The following NACA variants were observed in gnomAD, a reference collection of about 807,000 sequenced individuals.
NACA encodes the protein nascent polypeptide-associated complex subunit alpha.
NACA carries 42 observed loss-of-function variants against 86.4 expected under a neutral mutation model. The ratio of observed to expected loss-of-function variants is 0.49; its 90% CI spans 0.38 to 0.63. The LOEUF is 0.63. Ranked by LOEUF, NACA falls within the 20% of genes least tolerant of loss-of-function variation. The probability of loss-of-function intolerance (pLI) is 0.00; values close to 1 mark genes in which losing one functional copy is unlikely to be tolerated. For synonymous variants in NACA, 898 were observed against 973.7 expected, an observed-to-expected ratio of 0.92 and a Z score of 1.45; for missense variants, 2,157 against 2,483.6, an observed-to-expected ratio of 0.87 and a Z score of 2.80.
At chr12:56,714,198 T>TA (rs1293315065) in intron 5 of NACA, 164 bp downstream of exon 5, 1 of 646,106 alleles carries the variant, frequency 1.5e-6, no homozygotes, top group Non-Finnish European at 2.7e-6. Context: ...GGGTTCAGTG[T>TA]ATACTGCTTG....
rs1231645164 is a variant in NACA at position 56,718,646 on chromosome 12, C to T, written c.2884G>A (p.Ala962Thr). The change falls in exon 3 of 9, where the codon GCC becomes ACC. Residue 962 changes from alanine (A) to threonine (T), a missense_variant. Transcript: ENST00000454682. Reference protein sequence around the residue: ...GGPATPSPKWAPTPPAATPPS... With the variant: ...GGPATPSPKWTPTPPAATPPS... Reference sequence around the variant, plus strand: ...GGAGTTGCAGCTGGGGGTGTGGGGGCCCATTTCGGGGATGGGGTAGCTGGG... The same window carrying T: ...GGAGTTGCAGCTGGGGGTGTGGGGGTCCATTTCGGGGATGGGGTAGCTGGG... The T allele has an allele frequency of 7.6e-7, 1 of 1,319,202 alleles. No homozygotes were observed. The highest frequency in any genetic ancestry group is 3.5e-5 in the East Asian group (1 of 28,902). The allele number at this position is 1,319,202 out of a possible 1,614,324, so 81.7% of individuals were successfully genotyped here. A position where few individuals can be genotyped will look rare whatever the true frequency, so the allele number is the denominator to read the frequency against.
chr12:56,712,741 T>A (rs200078093), intron 8 of NACA, 45 bp downstream of exon 8: 133 of 1,611,418 alleles, frequency 8.3e-5, no homozygotes, highest in Non-Finnish European at 8.6e-5. Context: ...CACTCATAAT[T>A]GGTCAGGGCA....
Position 56,718,066 on chromosome 12 carries a change from G to A in NACA, c.3464C>T (p.Thr1155Ile), listed in dbSNP as rs540846355. The change falls in exon 3 of 9, where the codon ACT (threonine) becomes ATT (isoleucine). Residue 1155 changes from threonine to isoleucine, a missense_variant. This residue lies in a region of NACA where 10 missense variants were observed against 129.4 expected (regional missense o/e 0.08). Transcript: ENST00000454682. ...PKGAPTTPAA[T>I]PPSPKGGLAT... ...TAGACCTCCTTTTGGGGAAGGAGGAGTTGCAGCTGGGGTTGTGGGGGCCCC... is the reference window on the plus strand; with the variant it reads ...TAGACCTCCTTTTGGGGAAGGAGGAATTGCAGCTGGGGTTGTGGGGGCCCC... 1.9e-6 allele frequency: 2 copies of A among 1,064,974 alleles called. No individual in the cohort carries two copies. The highest frequency in any genetic ancestry group is 2.3e-5 in the African/African-American group (1 of 43,810). 66.0% of individuals were successfully genotyped at this position (1,064,974 alleles called of 1,614,324 possible).
At chr12:56,722,004 A>G (rs997041516) in intron 2 of NACA, among the ~76,000 whole-genome samples, 1 of 152,372 alleles carries the variant, frequency 6.6e-6, no homozygotes, top group East Asian at 1.9e-4. Context: ...ACTGAATAAG[A>G]AAACACAGGC....
Position 56,720,671 on chromosome 12 carries a change from T to A in NACA, c.859A>T (p.Thr287Ser), listed in dbSNP as rs770224189. Residue 287 changes from threonine (T) to serine (S), a missense_variant, in exon 3 of 9, where the codon ACC becomes TCC. Thr to Ser is a moderately conservative substitution (Grantham distance 58). This residue lies in a region of NACA where 947 missense variants were observed against 917.9 expected (regional missense o/e 1.03). Coordinates refer to ENST00000454682, the MANE Select transcript of NACA (RefSeq NM_001365896.1). ...GGACCCGCAGTCTTTTGAGAAGAGG[T>A]CACCACAGGAAGAGACTGAGTTGAA... Reference protein sequence around the residue: ...SLSTQSLPVVTSSQKTAGPNT... With the variant: ...SLSTQSLPVVSSSQKTAGPNT... 6.2e-7 allele frequency: 1 copy of A among 1,613,356 alleles called. No homozygotes were observed. Among genetic ancestry groups the A allele is most frequent in the East Asian group, 2.2e-5 (1 of 44,848 alleles).
At chr12:56,713,434 T>C (rs954842711) in intron 6 of NACA, 103 bp downstream of exon 6, 3 of 1,445,662 alleles carry the variant, frequency 2.1e-6, no homozygotes, top group African/African-American at 2.8e-5. Context: ...CTGGATGTAA[T>C]GGATAGCCCT....
rs764837683 is a variant in NACA, at chr12:56,719,664, C to T, written c.1866G>A (p.Lys622=). ...AGTCTGGGCCTGCATAAGAATCTGT[C>T]TTGATTACAGAGGCCGAGGAGTTAA... The part of the protein sequence containing the change: ...LGVNSSASVI[K]TDSYAGPDSA... The change falls in exon 3 of 9, where the codon AAG becomes AAA. Residue 622 remains lysine, a synonymous_variant. Transcript: ENST00000454682. 2 of 1,613,802 alleles carry T rather than the reference C, an allele frequency of 1.2e-6. No homozygotes were observed. The highest frequency in any genetic ancestry group is 2.2e-5 in the East Asian group (1 of 44,886).
At chr12:56,724,687 T>C in intron 1 of NACA, 164 bp from the exon 2 acceptor site, 1 of 667,166 alleles carries the variant, frequency 1.5e-6, no homozygotes, top group East Asian at 2.8e-5. Flanking sequence ...AAGAGGTAAA[T>C]ATGATGTGAC....
At chr12:56,724,105 C>A (rs767802295) in intron 2 of NACA, among the ~76,000 whole-genome samples, 18 of 152,162 alleles carry the variant, frequency 1.2e-4, no homozygotes, top group Non-Finnish European at 1.5e-4. Context: ...ATGCTCCGGG[C>A]TCCTTGGCCT....
chr12:56,721,173 G>C lies in NACA; in HGVS notation c.357C>G (p.Ala119=), dbSNP rs765258967. 4 of 1,613,992 alleles carry C rather than the reference G, an allele frequency of 2.5e-6. No individual in the cohort carries two copies. The South Asian group carries it at 4.4e-5, about 18-fold the overall frequency. The change falls in exon 3 of 9, where the codon GCC becomes GCG. Residue 119 remains alanine, a synonymous_variant. Transcript: ENST00000454682. ...TCAGAGTTGGAGCTATCATGGGAGAGGCTAGAGCTAAGGCAGCTGGGGAGA... is the reference window on the plus strand; with the variant it reads ...TCAGAGTTGGAGCTATCATGGGAGACGCTAGAGCTAAGGCAGCTGGGGAGA... ...PPISPAALAL[A]SPMIAPTLKG...
In NACA at chr12:56,719,068, A is replaced by G. The variant is rs1288003263; in HGVS notation, c.2462T>C (p.Ile821Thr). ...KKGSAGPDTP[I>T]GNLSSPVSPV... Reference sequence around the variant, plus strand: ...AGAAACAGGGGATGAGAGATTTCCAATAGGAGTATCAGGGCCAGCAGAACC... The same window carrying G: ...AGAAACAGGGGATGAGAGATTTCCAGTAGGAGTATCAGGGCCAGCAGAACC... Residue 821 changes from isoleucine (I) to threonine (T), a missense_variant, in exon 3 of 9, where the codon ATT (isoleucine) becomes ACT (threonine). Coordinates refer to ENST00000454682, the MANE Select transcript of NACA (RefSeq NM_001365896.1). 6.9e-7 allele frequency: 1 copy of G among 1,449,678 alleles called. No homozygotes were observed. The highest frequency in any genetic ancestry group is 3.0e-5 in the East Asian group (1 of 33,398). 89.8% of individuals were successfully genotyped at this position (1,449,678 alleles called of 1,614,324 possible).
intron 2 of NACA, 92 bp from the exon 3 acceptor site, chr12:56,721,551 G>A: frequency 1.3e-6 from 1 of 749,644 alleles, no homozygotes; most frequent in Non-Finnish European, 2.0e-6. Context: ...ATGCCTCCTA[G>A]GAAACACTGG....
In NACA at chr12:56,718,740, G is replaced by T; in HGVS notation, c.2790C>A (p.Ile930=). Residue 930 remains isoleucine, a synonymous_variant, in exon 3 of 9, where the codon ATC becomes ATA. Coordinates refer to ENST00000454682, the MANE Select transcript of NACA (RefSeq NM_001365896.1). ...KARATPAPKG[I]PASPSPKGAP... ...CCCCTTTGGGGGATGGGGAAGCTGG[G>T]ATTCCTTTAGGGGCTGGAGTTGCTC... 1 of 1,443,210 alleles carries T rather than the reference G, an allele frequency of 6.9e-7. No homozygotes were observed. Among genetic ancestry groups the T allele is most frequent in the South Asian group, 1.1e-5 (1 of 88,516 alleles). The allele number at this position is 1,443,210 out of a possible 1,614,324, so 89.4% of individuals were successfully genotyped here. A position where few individuals can be genotyped will look rare whatever the true frequency, so the allele number is the denominator to read the frequency against.
Position 56,716,540 on chromosome 12 carries a change from T to A in NACA, c.4990A>T (p.Thr1664Ser), listed in dbSNP as rs1228529168. ...PASVTCKMGA[T>S]VPQASKGLPA... ...AGCCCTTTAGATGCTTGAGGAACAG[T>A]GGCCCCCATTTTACATGTGACAGAA... Residue 1664 changes from threonine (T) to serine (S), a missense_variant, in exon 3 of 9, where the codon ACT becomes TCT. Transcript: ENST00000454682. The A allele has an allele frequency of 2.0e-6, 3 of 1,472,406 alleles. No homozygotes were observed. The highest frequency in any genetic ancestry group is 2.8e-5 in the African/African-American group (2 of 72,338). The allele number at this position is 1,472,406 out of a possible 1,614,324, so 91.2% of individuals were successfully genotyped here.
chr12:56,716,635 GC>G lies in NACA; in HGVS notation c.4894del (p.Ala1632ProfsTer11), dbSNP rs765095129. 4.2e-6 allele frequency: 6 copies of G among 1,445,714 alleles called. No individual in the cohort carries two copies. The highest frequency in any genetic ancestry group is 5.6e-6 in the Non-Finnish European group (6 of 1,071,690). The allele number at this position is 1,445,714 out of a possible 1,614,324, so 89.6% of individuals were successfully genotyped here. ...TGGGGAAGTGGGAGTCCCTTTGGGG[GC>G]TGGAGTTGCTGGGCCCTTTTCGGGG... is the stretch of plus-strand genomic sequence containing the variant. ...PSPEKGPATP[A>X]PKGTPTSPPV... On this transcript the variant is annotated frameshift_variant, in exon 3 of 9. Transcript: ENST00000454682. LOFTEE classifies it high-confidence loss of function.
intron 1 of NACA, chr12:56,724,765 G>A (rs1953667035): frequency 2.0e-6 from 1 of 510,740 alleles, no homozygotes; most frequent in African/African-American, 2.0e-5. Flanking sequence ...ATCCCGGGCT[G>A]GCTCTCGATC....
At chr12:56,712,731 C>A in intron 8 of NACA, 55 bp downstream of exon 8, 1 of 1,609,230 alleles carries the variant, frequency 6.2e-7, no homozygotes, top group Non-Finnish European at 8.5e-7. Context: ...AAAATAAAGT[C>A]ACTCATAATT....
rs562442625 is a variant in NACA at position 56,717,895 on chromosome 12, G to A, written c.3635C>T (p.Pro1212Leu). The change falls in exon 3 of 9, where the codon CCA becomes CTA. Residue 1212 changes from proline to leucine, a missense_variant. This residue lies in a region of NACA where 10 missense variants were observed against 129.4 expected (regional missense o/e 0.08). Coordinates refer to ENST00000454682, the MANE Select transcript of NACA (RefSeq NM_001365896.1). ...PPSPKGGLAT[P>L]SPKGAPTTPA... ...GGTTGTGGGGGCCCCTTTGGGGGAT[G>A]GGGTAGCTAGACCTCCTTTTGGGGA... 9.1e-7 allele frequency: 1 copy of A among 1,097,320 alleles called. No homozygotes were observed. 68.0% of individuals were successfully genotyped at this position (1,097,320 alleles called of 1,614,324 possible).
intron 1 of NACA, 65 bp from the exon 2 acceptor site, chr12:56,724,588 G>A (rs1056634300): frequency 3.3e-5 from 50 of 1,517,232 alleles, no homozygotes; most frequent in Admixed American, 8.1e-5. Context: ...CCAACCCGGA[G>A]ATAAGTATTC....
Sources: allele counts gnomAD v4.1 joint callset (sites outside exome capture counted in the v4.1 genomes callset), GRCh38; gene constraint gnomAD v4.1.1; regional missense constraint gnomAD v4.1.1; transcripts MANE v1.5; gene names NCBI Gene and HGNC (gene_info 2026-07-23, HGNC 2026-07-21).